The following CRTAC1 variants were observed in gnomAD, a reference collection of about 807,000 sequenced individuals.
CRTAC1 encodes acidic secreted protein in cartilage.
In CRTAC1, 37 loss-of-function variants were observed where a neutral mutation model predicts 67.8. The observed-to-expected ratio is 0.55, with a 90% CI of 0.42 to 0.72. The LOEUF is 0.72. CRTAC1 is among the 30% of genes least tolerant of loss of function. The probability of loss-of-function intolerance (pLI) is 0.00; values close to 1 mark genes in which losing one functional copy is unlikely to be tolerated. For missense variants in CRTAC1, 780 were observed against 931.6 expected (o/e 0.84, Z 2.12); for synonymous variants, 348 against 371.0 (o/e 0.94, Z 0.71).
rs1352141490 is a variant in CRTAC1 at position 97,865,243 on chromosome 10, C to G, written c.*305G>C. Reference sequence around the variant, plus strand: ...TTTGAACTCAGGACACTAAAGTCCTCATACTTCCTGTGCAGTGACACCACC... The same window carrying G: ...TTTGAACTCAGGACACTAAAGTCCTGATACTTCCTGTGCAGTGACACCACC... On this transcript the variant is annotated 3_prime_UTR_variant, in exon 15 of 15. Coordinates refer to ENST00000370597, the MANE Select transcript of CRTAC1 (RefSeq NM_018058.7). The G allele has an allele frequency of 3.4e-6, 1 of 294,984 alleles. No individual in the cohort carries two copies. Among genetic ancestry groups the G allele is most frequent in the East Asian group, 5.7e-5 (1 of 17,588 alleles). The allele number at this position is 294,984 out of a possible 1,614,324, so 18.3% of individuals were successfully genotyped here.
At chr10:97,902,625 C>T (rs77210087) in intron 7 of CRTAC1, among the ~76,000 whole-genome samples, 6,508 of 152,256 alleles carry the variant, frequency 0.043, 427 homozygotes, top group African/African-American at 0.13. Flanking sequence ...ATATCCTCAT[C>T]ATAGGTGGGT....
intron 14 of CRTAC1, chr10:97,879,862 G>T: frequency 1.7e-6 from 2 of 1,161,660 alleles, no homozygotes; most frequent in Non-Finnish European, 2.4e-6. Context: ...GGTGGGGACG[G>T]GGTGGGGGTG....
At chr10:97,997,957 AG>A (rs1349775432) in intron 2 of CRTAC1, among the ~76,000 whole-genome samples, 1 of 152,162 alleles carries the variant, frequency 6.6e-6, no homozygotes, top group Non-Finnish European at 1.5e-5. Context: ...GAGAGAGCAG[AG>A]AGAATGGAGG....
intron 4 of CRTAC1, among the ~76,000 whole-genome samples, chr10:97,919,747 A>AG (rs61539368): frequency 0.075 from 10,566 of 141,318 alleles, 478 homozygotes; most frequent in African/African-American, 0.12. Context: ...TTGGAGTTTG[A>AG]GATGCACTGC....
rs2136520824 is a variant in CRTAC1, at chr10:97,865,631, C to G, written c.1903G>C (p.Ala635Pro). 5 of 1,612,858 alleles carry G rather than the reference C, an allele frequency of 3.1e-6. No individual in the cohort carries two copies. The highest frequency in any genetic ancestry group is 4.2e-6 in the Non-Finnish European group (5 of 1,179,588). ...ATAAAAAAAG[A>P]ATAAPVLVDG... ...ACGAGGACCGGTGCAGCAGTGGCAGCTCCAGCAGCGGCAGCAGCAGCGGCA... is the reference window on the plus strand; with the variant it reads ...ACGAGGACCGGTGCAGCAGTGGCAGGTCCAGCAGCGGCAGCAGCAGCGGCA... The change falls in exon 15 of 15, where the codon GCT becomes CCT. Residue 635 changes from alanine (A) to proline (P), a missense_variant. Ala to Pro is a conservative substitution (Grantham distance 27). Transcript: ENST00000370597.
At chr10:98,001,096 GGGTCC>G (rs1190362361) in intron 2 of CRTAC1, among the ~76,000 whole-genome samples, 12 of 152,144 alleles carry the variant, frequency 7.9e-5, no homozygotes, top group Non-Finnish European at 1.8e-4. Context: ...TCATGATAAT[GGGTCC>G]GTTCACCAGG....
chr10:97,898,974 T>C (rs2050497933), intron 8 of CRTAC1, among the ~76,000 whole-genome samples: 1 of 152,198 alleles, frequency 6.6e-6, no homozygotes, highest in Non-Finnish European at 1.5e-5. Context: ...CTGAGTTCCC[T>C]GGGTGCTGCA....
chr10:97,921,978 G>T (rs2050846437), intron 4 of CRTAC1, among the ~76,000 whole-genome samples: 1 of 151,784 alleles, frequency 6.6e-6, no homozygotes, highest in African/African-American at 2.4e-5. Flanking sequence ...ACCTTGTTAG[G>T]ACAGAGTGCA....
chr10:97,950,111 T>C (rs374998145), intron 2 of CRTAC1, among the ~76,000 whole-genome samples: 20 of 152,300 alleles, frequency 1.3e-4, no homozygotes, highest in African/African-American at 4.8e-4. Context: ...GGAACCTGCA[T>C]ATATTCACTA....
chr10:97,986,241 AG>A (rs1318442718), intron 2 of CRTAC1, among the ~76,000 whole-genome samples: 2 of 152,174 alleles, frequency 1.3e-5, no homozygotes, highest in African/African-American at 4.8e-5. Flanking sequence ...TAGCATTTGA[AG>A]CCAAGACCTT....
intron 3 of CRTAC1, 52 bp downstream of exon 3, chr10:97,936,118 A>C (rs2051082226): frequency 6.6e-7 from 1 of 1,513,598 alleles, no homozygotes; most frequent in South Asian, 1.3e-5. Context: ...CCAAGTTGCT[A>C]CTGGGAGGGA....
chr10:97,919,963 G>T (rs1306772413), intron 4 of CRTAC1, among the ~76,000 whole-genome samples: 2 of 151,738 alleles, frequency 1.3e-5, no homozygotes, highest in Admixed American at 1.3e-4. Flanking sequence ...TGCTGAGGCT[G>T]GTCTTGAACT....
chr10:98,015,423 T>C (rs1466043215), intron 1 of CRTAC1, among the ~76,000 whole-genome samples: 2 of 152,146 alleles, frequency 1.3e-5, no homozygotes, highest in African/African-American at 4.8e-5. Flanking sequence ...TGAAGGTAGA[T>C]GGTGGTGATG....
At chr10:98,009,511 A>G (rs1374142755) in intron 2 of CRTAC1, among the ~76,000 whole-genome samples, 3 of 152,228 alleles carry the variant, frequency 2.0e-5, no homozygotes, top group Non-Finnish European at 4.4e-5. Context: ...CCCGTGAGGC[A>G]GGCCAGTAGA....
chr10:98,007,445 ATG>A (rs1842813293), intron 2 of CRTAC1, among the ~76,000 whole-genome samples: 1 of 152,232 alleles, frequency 6.6e-6, no homozygotes, highest in African/African-American at 2.4e-5. Context: ...TCAAATTAGA[ATG>A]TGTCTTTCTG....
chr10:98,008,901 C>G (rs1161968842), intron 2 of CRTAC1, among the ~76,000 whole-genome samples: 1 of 152,092 alleles, frequency 6.6e-6, no homozygotes, highest in Non-Finnish European at 1.5e-5. Flanking sequence ...GCAGGGCAAC[C>G]ATCCAAACAG....
intron 2 of CRTAC1, among the ~76,000 whole-genome samples, chr10:97,961,896 GC>G (rs2051531743): frequency 6.6e-6 from 1 of 152,220 alleles, no homozygotes; most frequent in Admixed American, 6.5e-5. Context: ...CTTCAGGCTA[GC>G]GTCTAATTTT....
intron 11 of CRTAC1, among the ~76,000 whole-genome samples, chr10:97,888,229 A>G (rs1448580269): frequency 1.3e-5 from 2 of 152,186 alleles, no homozygotes; most frequent in Non-Finnish European, 2.9e-5. Flanking sequence ...CGATGAATAC[A>G]AGTGATTATA....
At chr10:97,943,072 C>CA (rs371122511) in intron 2 of CRTAC1, among the ~76,000 whole-genome samples, 2,684 of 135,030 alleles carry the variant, frequency 0.02, 63 homozygotes, top group African/African-American at 0.066. Context: ...ACCCTGTCTT[C>CA]AAAAAAAAAA....
Sources: allele counts gnomAD v4.1 joint callset (sites outside exome capture counted in the v4.1 genomes callset), GRCh38; gene constraint gnomAD v4.1.1; transcripts MANE v1.5; gene names NCBI Gene and HGNC (gene_info 2026-07-23, HGNC 2026-07-21).